SLC24A3: variants seen among roughly 807,000 people sequenced by gnomAD.
SLC24A3 encodes sodium/potassium/calcium exchanger 3.
Under a neutral mutation model 75.8 loss-of-function variants are expected in SLC24A3, and 28 were observed. That is an observed-to-expected ratio of 0.37 (90% CI 0.27 to 0.51). The LOEUF (loss-of-function observed/expected upper bound fraction) is 0.51, where lower values mean the gene tolerates loss of function less well. Ranked by LOEUF, SLC24A3 falls within the 20% of genes least tolerant of loss-of-function variation. The pLI is 0.94. For synonymous variants in SLC24A3, 372 were observed against 334.1 expected (o/e 1.11, Z -1.24); for missense variants, 663 against 847.8 (o/e 0.78, Z 2.71).
chr20:19,707,387 G>A (rs2122159996), intron 15 of SLC24A3, among the ~76,000 whole-genome samples: 1 of 152,334 alleles, frequency 6.6e-6, no homozygotes, highest in Non-Finnish European at 1.5e-5. Flanking sequence ...AACAGGACCT[G>A]GCAATTAGTT....
At chr20:19,508,329 G>A (rs1201499173) in intron 2 of SLC24A3, among the ~76,000 whole-genome samples, 1 of 152,130 alleles carries the variant, frequency 6.6e-6, no homozygotes, top group East Asian at 1.9e-4. Context: ...GTCATGAGAA[G>A]GTCACTGGGA....
At chr20:19,673,741 T>A in intron 9 of SLC24A3, 87 bp downstream of exon 9, 1 of 1,148,848 alleles carries the variant, frequency 8.7e-7, no homozygotes, top group Non-Finnish European at 1.3e-6. Flanking sequence ...GGGGTGGGTA[T>A]CTGACTGGTT....
intron 6 of SLC24A3, among the ~76,000 whole-genome samples, chr20:19,598,253 T>G (rs2031476459): frequency 6.6e-6 from 1 of 152,192 alleles, no homozygotes; most frequent in Non-Finnish European, 1.5e-5. Flanking sequence ...AGGGGAAATC[T>G]CACTCTGCAT....
chr20:19,315,873 T>G (rs1984573797), intron 2 of SLC24A3, among the ~76,000 whole-genome samples: 1 of 152,208 alleles, frequency 6.6e-6, no homozygotes, highest in African/African-American at 2.4e-5. Flanking sequence ...GAAAATGCAT[T>G]TAATACATCT....
chr20:19,619,124 C>T (rs1167934047), intron 6 of SLC24A3, among the ~76,000 whole-genome samples: 1 of 152,126 alleles, frequency 6.6e-6, no homozygotes, highest in Non-Finnish European at 1.5e-5. Context: ...ATCTAATTAC[C>T]CTTCTCTTGA....
chr20:19,683,553 C>G (rs1400010842), intron 10 of SLC24A3, among the ~76,000 whole-genome samples: 1 of 152,214 alleles, frequency 6.6e-6, no homozygotes, highest in Admixed American at 6.5e-5. Context: ...ATAGACTGGG[C>G]TGAGGGAATG....
intron 3 of SLC24A3, among the ~76,000 whole-genome samples, chr20:19,520,344 G>C (rs1049061669): frequency 6.6e-6 from 1 of 152,210 alleles, no homozygotes; most frequent in Non-Finnish European, 1.5e-5. Flanking sequence ...CCACTGAGCT[G>C]TTGGAGTTGC....
chr20:19,664,941 G>A (rs187652352), intron 7 of SLC24A3, among the ~76,000 whole-genome samples: 1 of 152,346 alleles, frequency 6.6e-6, no homozygotes, highest in African/African-American at 2.4e-5. Flanking sequence ...TGCAGCAAAT[G>A]GAGCAAGCCT....
chr20:19,383,605 C>T (rs1485103581), intron 2 of SLC24A3, among the ~76,000 whole-genome samples: 1 of 152,088 alleles, frequency 6.6e-6, no homozygotes, highest in Non-Finnish European at 1.5e-5. Flanking sequence ...CTCTTAATTG[C>T]CATGGTGTGT....
chr20:19,283,928 G>A (rs966423375), intron 2 of SLC24A3, among the ~76,000 whole-genome samples: 4 of 152,160 alleles, frequency 2.6e-5, no homozygotes, highest in Non-Finnish European at 4.4e-5. Flanking sequence ...TCCCTGCAGA[G>A]CGAGTCTGTC....
chr20:19,365,855 C>G (rs1485597843), intron 2 of SLC24A3, among the ~76,000 whole-genome samples: 1 of 152,206 alleles, frequency 6.6e-6, no homozygotes, highest in Non-Finnish European at 1.5e-5. Flanking sequence ...AAAGCCTCCC[C>G]ACTAAAATCC....
chr20:19,631,525 A>G (rs1215576286), intron 6 of SLC24A3, among the ~76,000 whole-genome samples: 1 of 152,190 alleles, frequency 6.6e-6, no homozygotes, highest in Non-Finnish European at 1.5e-5. Flanking sequence ...TGAAGATATT[A>G]TAAGTTAAAA....
At chr20:19,642,047 G>A (rs1476172377) in intron 6 of SLC24A3, among the ~76,000 whole-genome samples, 1 of 152,136 alleles carries the variant, frequency 6.6e-6, no homozygotes, top group Non-Finnish European at 1.5e-5. Context: ...TTTCTCATCT[G>A]TGAAATGGGA....
chr20:19,224,119 TGA>T (rs1468832084), intron 1 of SLC24A3, among the ~76,000 whole-genome samples: 2 of 99,852 alleles, frequency 2.0e-5, no homozygotes, highest in East Asian at 3.2e-4. Context: ...TGTGAGTGTG[TGA>T]GTGTGTGTGT....
chr20:19,406,906 G>T (rs751463727), intron 2 of SLC24A3, among the ~76,000 whole-genome samples: 6 of 152,186 alleles, frequency 3.9e-5, no homozygotes, highest in Admixed American at 6.5e-5. Context: ...GTAATCCCTG[G>T]TGATGTGAAG....
Position 19,678,411 on chromosome 20 carries a change from G to A in SLC24A3, c.768-3447G>A, listed in dbSNP as rs1193210948. On this transcript the variant is annotated intron_variant, in intron 9 of 16. Transcript: ENST00000328041. ...GGCTCCTCACTTCCCAGTAGGGACGGCCAGGCAGAGGCGCCCCTCACCTCC... is the reference window on the plus strand; with the variant it reads ...GGCTCCTCACTTCCCAGTAGGGACGACCAGGCAGAGGCGCCCCTCACCTCC... Among the ~76,000 whole-genome samples the A allele has an allele frequency of 3.7e-5, 5 of 135,298 alleles. 1 individual carries two copies. The highest frequency in any genetic ancestry group is 1.5e-4 in the African/African-American group (5 of 34,230). The allele number at this position is 135,298 out of a possible 152,430, so 88.8% of individuals were successfully genotyped here.
intron 6 of SLC24A3, among the ~76,000 whole-genome samples, chr20:19,587,360 A>G (rs929992643): frequency 1.3e-5 from 2 of 152,162 alleles, no homozygotes; most frequent in African/African-American, 4.8e-5. Flanking sequence ...TGGTTGGAAC[A>G]CCTGCATCAA....
At chr20:19,282,014 G>A (rs748480271) in intron 2 of SLC24A3, among the ~76,000 whole-genome samples, 5 of 152,094 alleles carry the variant, frequency 3.3e-5, no homozygotes, top group Non-Finnish European at 5.9e-5. Flanking sequence ...GTGTGCCACT[G>A]TCAAGGGCCC....
At chr20:19,456,459 A>G (rs1443491539) in intron 2 of SLC24A3, among the ~76,000 whole-genome samples, 2 of 152,166 alleles carry the variant, frequency 1.3e-5, no homozygotes, top group African/African-American at 4.8e-5. Flanking sequence ...GCCTGCTGCC[A>G]TCCATGTAAG....
Sources: gnomAD v4.1 joint callset for allele counts (sites outside exome capture counted in the v4.1 genomes callset) on GRCh38, gnomAD v4.1.1 for gene constraint, MANE v1.5 for transcripts, NCBI Gene and HGNC (gene_info 2026-07-23, HGNC 2026-07-21) for gene names.